Variants in SPAG16 observed in about 807,000 individuals in gnomAD.
SPAG16 encodes sperm-associated antigen 16 protein.
A neutral mutation model predicts 80.4 loss-of-function variants in SPAG16; 86 were observed. That is an observed-to-expected ratio of 1.07 (90% CI 0.90 to 1.28). The LOEUF is 1.28. Among genes scored for constraint, SPAG16 ranks in the 50% most tolerant of loss-of-function variants. SPAG16 has a pLI of 0.00. For synonymous variants in SPAG16, 294 were observed against 265.9 expected (o/e 1.11, Z -1.03); for missense variants, 870 against 765.3 (o/e 1.14, Z -1.61).
chr2:214,211,918 C>A (rs2058304799), intron 15 of SPAG16, among the ~76,000 whole-genome samples: 1 of 152,122 alleles, frequency 6.6e-6, no homozygotes, highest in Non-Finnish European at 1.5e-5. Flanking sequence ...ACCCCCAAAA[C>A]TTCCCACTTC....
intron 15 of SPAG16, among the ~76,000 whole-genome samples, chr2:214,226,146 C>G (rs964303621): frequency 1.3e-5 from 2 of 152,230 alleles, no homozygotes; most frequent in Non-Finnish European, 2.9e-5. Context: ...TCTCATAAGT[C>G]TCAATGGATC....
At chr2:214,118,326 A>G (rs1171011254) in intron 14 of SPAG16, among the ~76,000 whole-genome samples, 1 of 152,190 alleles carries the variant, frequency 6.6e-6, no homozygotes, top group Non-Finnish European at 1.5e-5. Context: ...ATGACAGGAA[A>G]TAGAAGAGGA....
At chr2:213,317,855 G>C (rs887669423) in intron 5 of SPAG16, 14 of 406,456 alleles carry the variant, frequency 3.4e-5, no homozygotes, top group South Asian at 1.0e-4. Context: ...GGGGGCTATT[G>C]ATAATGGGGA....
At chr2:213,450,538 A>C (rs956961550) in intron 9 of SPAG16, among the ~76,000 whole-genome samples, 14 of 152,138 alleles carry the variant, frequency 9.2e-5, no homozygotes, top group Non-Finnish European at 1.5e-5. Flanking sequence ...GATTTCATAA[A>C]GTTTTTATGA....
intron 9 of SPAG16, among the ~76,000 whole-genome samples, chr2:213,394,789 G>A (rs553361413): frequency 2.6e-5 from 4 of 152,092 alleles, no homozygotes; most frequent in African/African-American, 4.8e-5. Flanking sequence ...TTATTAAATT[G>A]CTGAGTAGTT....
intron 13 of SPAG16, among the ~76,000 whole-genome samples, chr2:214,057,208 A>G (rs1396643920): frequency 6.8e-6 from 1 of 146,632 alleles, no homozygotes; most frequent in African/African-American, 2.5e-5. Flanking sequence ...CCTTTTCAAG[A>G]TCCATCAGAG....
At position 214,334,635 on chromosome 2, in the gene SPAG16, A is replaced by G. The variant is rs149873679; in HGVS notation, c.1721-75505A>G. On this transcript the variant is annotated intron_variant, in intron 15 of 15. Coordinates refer to ENST00000331683, the MANE Select transcript of SPAG16 (RefSeq NM_024532.5). ...TACCCTCAGCCTTTTATTATCTCCA[A>G]TGTATCCCTGGAATCCAGCAATAGC... 2.6e-3 allele frequency among the ~76,000 whole-genome samples: 393 copies of G among 152,280 alleles called. 3 individuals carry two copies. The highest frequency in any genetic ancestry group is 8.8e-3 in the African/African-American group (365 of 41,560).
chr2:214,361,476 G>A (rs1410232637), intron 15 of SPAG16, among the ~76,000 whole-genome samples: 2 of 151,756 alleles, frequency 1.3e-5, no homozygotes, highest in Non-Finnish European at 2.9e-5. Flanking sequence ...AATGTGAATG[G>A]TTAGTCTAAC....
chr2:214,340,539 G>A (rs1450154790), intron 15 of SPAG16, among the ~76,000 whole-genome samples: 1 of 152,188 alleles, frequency 6.6e-6, no homozygotes, highest in Non-Finnish European at 1.5e-5. Context: ...CTGGATTCCA[G>A]TGCCCTGCCC....
chr2:213,724,207 T>C (rs1332603052), intron 10 of SPAG16, among the ~76,000 whole-genome samples: 1 of 152,064 alleles, frequency 6.6e-6, no homozygotes, highest in Non-Finnish European at 1.5e-5. Context: ...ATAGAAGAGT[T>C]TAAGGGTGAA....
rs534636010 is a variant in SPAG16 at position 214,045,186 on chromosome 2, T to G, written c.1527+31109T>G. On this transcript the variant is annotated intron_variant, in intron 13 of 15. Coordinates refer to ENST00000331683, the MANE Select transcript of SPAG16 (RefSeq NM_024532.5). ...ATAATAAAGAGAACTTTGTCTTGCA[T>G]CTTAAATACCAGCTCTGCCAGAGTA... Among the ~76,000 whole-genome samples the G allele has an allele frequency of 3.3e-5, 5 of 152,216 alleles. No homozygotes were observed. In the South Asian group the frequency reaches 1.0e-3, roughly 32 times the overall value.
chr2:214,029,194 CAG>C (rs2048285842), intron 13 of SPAG16, among the ~76,000 whole-genome samples: 1 of 151,720 alleles, frequency 6.6e-6, no homozygotes, highest in African/African-American at 2.4e-5. Context: ...AAGAGTGTTC[CAG>C]AGAGAGAAAA....
intron 15 of SPAG16, among the ~76,000 whole-genome samples, chr2:214,236,687 C>T (rs955334448): frequency 6.6e-6 from 1 of 151,954 alleles, no homozygotes; most frequent in African/African-American, 2.4e-5. Flanking sequence ...AATTCACTGC[C>T]TATATCTAAT....
intron 14 of SPAG16, among the ~76,000 whole-genome samples, chr2:214,111,846 T>C (rs2053680771): frequency 6.6e-6 from 1 of 152,194 alleles, no homozygotes; most frequent in Non-Finnish European, 1.5e-5. Context: ...TTCATATCCC[T>C]TGTGAGTTGG....
intron 15 of SPAG16, among the ~76,000 whole-genome samples, chr2:214,293,019 C>T (rs1048681800): frequency 1.3e-5 from 2 of 152,154 alleles, no homozygotes; most frequent in African/African-American, 4.8e-5. Flanking sequence ...GCTGGATAGT[C>T]CAGTCTTTGA....
intron 13 of SPAG16, among the ~76,000 whole-genome samples, chr2:214,057,395 CAATGAACAGT>C (rs2050001884): frequency 6.6e-6 from 1 of 152,000 alleles, no homozygotes; most frequent in Non-Finnish European, 1.5e-5. Flanking sequence ...GGTTCATTGT[CAATGAACAGT>C]AATATTATTA....
intron 10 of SPAG16, among the ~76,000 whole-genome samples, chr2:213,834,304 G>A (rs2073961687): frequency 6.6e-6 from 1 of 152,156 alleles, no homozygotes; most frequent in Non-Finnish European, 1.5e-5. Context: ...ATTTAGCAAA[G>A]CTCTACATGA....
chr2:213,503,394 T>G (rs1258800098), intron 10 of SPAG16, among the ~76,000 whole-genome samples: 2 of 152,212 alleles, frequency 1.3e-5, no homozygotes, highest in Non-Finnish European at 2.9e-5. Context: ...TGTTGGCATA[T>G]TACCTTAAAA....
At chr2:213,718,752 C>T (rs1291012308) in intron 10 of SPAG16, among the ~76,000 whole-genome samples, 3 of 152,208 alleles carry the variant, frequency 2.0e-5, no homozygotes, top group Non-Finnish European at 4.4e-5. Context: ...GGACCTGCAG[C>T]CCGCCATGCC....
Sources: gnomAD v4.1 joint callset for allele counts (sites outside exome capture counted in the v4.1 genomes callset) on GRCh38, gnomAD v4.1.1 for gene constraint, MANE v1.5 for transcripts, NCBI Gene and HGNC (gene_info 2026-07-23, HGNC 2026-07-21) for gene names.